NEXN: variants seen among roughly 807,000 people sequenced by gnomAD.
The protein encoded by NEXN is nexilin.
NEXN carries 65 observed loss-of-function variants against 92.6 expected under a neutral mutation model. The ratio of observed to expected loss-of-function variants is 0.70; its 90% CI spans 0.57 to 0.86. The LOEUF is 0.86. Among genes scored for constraint, NEXN ranks in the 40% least tolerant of loss-of-function variants. The pLI, the probability that NEXN is intolerant of heterozygous loss-of-function variation, is 0.00. For synonymous variants in NEXN, 254 were observed against 242.5 expected (o/e 1.05, Z -0.44); for missense variants, 778 against 771.1 (o/e 1.01, Z -0.11).
chr1:77,931,614 A>ATTTATTTAT (rs1250019084), intron 9 of NEXN: 4 of 152,082 alleles, frequency 2.6e-5, no homozygotes, highest in African/African-American at 9.7e-5. Context: ...GAAGAGAGAA[A>ATTTATTTAT]ACCTTCCTCT....
intron 1 of NEXN, among the ~76,000 whole-genome samples, chr1:77,896,946 C>T (rs1647291662): frequency 6.6e-6 from 1 of 152,104 alleles, no homozygotes; most frequent in Non-Finnish European, 1.5e-5. Flanking sequence ...TACACCCTCC[C>T]AAGACTAAAC....
intron 1 of NEXN, among the ~76,000 whole-genome samples, chr1:77,893,515 C>T (rs1309675798): frequency 6.6e-6 from 1 of 152,108 alleles, no homozygotes; most frequent in Non-Finnish European, 1.5e-5. Context: ...GCATCTAGAT[C>T]ATCAGTCTTC....
At chr1:77,936,619 A>G (rs1650791573) in intron 11 of NEXN, among the ~76,000 whole-genome samples, 1 of 152,174 alleles carries the variant, frequency 6.6e-6, no homozygotes, top group African/African-American at 2.4e-5. Context: ...GATGACATGA[A>G]TTTGAATTAT....
rs188692539 is a variant in NEXN at position 77,906,689 on chromosome 1, C to T, written c.-52-9366C>T. The stretch of plus-strand genomic sequence containing the variant: ...TTCTGTTTTGAGACAGGGTCTTGCT[C>T]TGTTGCCCAGGGTGTAGTGCAGTGG... On this transcript the variant is annotated intron_variant, in intron 1 of 12. Transcript: ENST00000334785. Among the ~76,000 whole-genome samples the T allele has an allele frequency of 2.2e-3, 329 of 152,172 alleles. 2 individuals are homozygous for T. The highest frequency in any genetic ancestry group is 5.0e-3 in the South Asian group (24 of 4,822).
intron 9 of NEXN, among the ~76,000 whole-genome samples, chr1:77,931,345 G>A (rs1393034272): frequency 4.0e-5 from 6 of 149,150 alleles, no homozygotes; most frequent in Non-Finnish European, 7.4e-5. Flanking sequence ...CCTGGGAGGC[G>A]GAGCTTGCAG....
chr1:77,933,447 G>T lies in NEXN; in HGVS notation c.1219G>T (p.Glu407Ter). The change falls in exon 10 of 13, where the codon GAA becomes TAA. Residue 407 changes from glutamate (E) to a stop codon, truncating the protein, a stop_gained. Transcript: ENST00000334785. LOFTEE classifies it high-confidence loss of function. ...GCATAAGCTAGAAATGGAGAAACAA[G>T]AATTTGAACAACTGAGACAGGAAAT... ...RKHKLEMEKQ[E>*]FEQLRQEMGE... The T allele has an allele frequency of 6.2e-7, 1 of 1,612,978 alleles. No individual in the cohort carries two copies. The highest frequency in any genetic ancestry group is 8.5e-7 in the Non-Finnish European group (1 of 1,179,260).
intron 1 of NEXN, among the ~76,000 whole-genome samples, chr1:77,906,125 G>C (rs369162309): frequency 6.6e-6 from 1 of 152,022 alleles, no homozygotes; most frequent in South Asian, 2.1e-4. Context: ...TCAGAGACAT[G>C]AAAAAACAGA....
chr1:77,911,317 C>T (rs1557969335), intron 1 of NEXN, among the ~76,000 whole-genome samples: 1 of 152,152 alleles, frequency 6.6e-6, no homozygotes, highest in South Asian at 2.1e-4. Flanking sequence ...TTTGGCCGGG[C>T]AAAATGGCTC....
intron 1 of NEXN, among the ~76,000 whole-genome samples, chr1:77,914,521 A>C (rs1648813710): frequency 6.6e-6 from 1 of 152,232 alleles, no homozygotes. Context: ...CATTGATATT[A>C]ATAATTACAT....
intron 11 of NEXN, among the ~76,000 whole-genome samples, chr1:77,940,319 T>G (rs1651154513): frequency 6.6e-6 from 1 of 152,190 alleles, no homozygotes; most frequent in South Asian, 2.1e-4. Context: ...ACTTTAATAT[T>G]CATGGGCTGA....
At chr1:77,939,581 GT>G (rs1651081726) in intron 11 of NEXN, among the ~76,000 whole-genome samples, 2 of 152,168 alleles carry the variant, frequency 1.3e-5, no homozygotes, top group Non-Finnish European at 2.9e-5. Flanking sequence ...TACAAAATAT[GT>G]AGGTAATAAC....
intron 1 of NEXN, among the ~76,000 whole-genome samples, chr1:77,902,541 T>C (rs1647807025): frequency 2.6e-5 from 4 of 152,194 alleles, no homozygotes; most frequent in Admixed American, 2.0e-4. Context: ...TTAAAACATC[T>C]ATAAAGATGT....
At chr1:77,919,124 A>C (rs1005469625) in intron 5 of NEXN, among the ~76,000 whole-genome samples, 5 of 152,166 alleles carry the variant, frequency 3.3e-5, no homozygotes, top group African/African-American at 1.2e-4. Flanking sequence ...AAAATGAGGA[A>C]GATGCAAAAG....
At chr1:77,916,594 G>A (rs938041382) in intron 2 of NEXN, among the ~76,000 whole-genome samples, 1 of 152,036 alleles carries the variant, frequency 6.6e-6, no homozygotes, top group African/African-American at 2.4e-5. Context: ...TGTAAGAAGA[G>A]CTCAGTTGCT....
At chr1:77,911,247 T>C (rs879382828) in intron 1 of NEXN, among the ~76,000 whole-genome samples, 13 of 152,162 alleles carry the variant, frequency 8.5e-5, no homozygotes, top group Non-Finnish European at 1.9e-4. Context: ...ACGTCACAAG[T>C]GGAAAATTCC....
chr1:77,935,764 G>A (rs1320228369), intron 10 of NEXN, 59 bp from the exon 11 acceptor site: 2 of 1,495,566 alleles, frequency 1.3e-6, no homozygotes, highest in Non-Finnish European at 1.9e-6. Flanking sequence ...GCCAGCCTTG[G>A]CAACATAGTG....
rs1651428419 is a variant in NEXN, at chr1:77,942,376, A to C, written c.1660-85A>C. On this transcript the variant is annotated intron_variant, in intron 12 of 12. Coordinates refer to ENST00000334785, the MANE Select transcript of NEXN (RefSeq NM_144573.4). ...CACTTGTATGTTCTTTACTTAAAAAAAAAAATTTCATTTCAAAATTGTTAC... is the reference window on the plus strand; with the variant it reads ...CACTTGTATGTTCTTTACTTAAAAACAAAAATTTCATTTCAAAATTGTTAC... 5 of 1,517,318 alleles carry C rather than the reference A, an allele frequency of 3.3e-6. No individual in the cohort carries two copies. The South Asian group carries it at 5.7e-5, about 17-fold the overall frequency. 94.0% of individuals were successfully genotyped at this position (1,517,318 alleles called of 1,614,324 possible).
intron 10 of NEXN, among the ~76,000 whole-genome samples, chr1:77,933,954 G>C (rs962983053): frequency 2.6e-5 from 4 of 151,440 alleles, no homozygotes; most frequent in African/African-American, 9.7e-5. Context: ...TCATGTCTCA[G>C]CCTTCTGTGT....
Position 77,918,171 on chromosome 1 carries a change from GGAAC to G in NEXN, c.346_349del (p.Glu116LysfsTer18), listed in dbSNP as rs2102094386. The G allele has an allele frequency of 6.2e-7, 1 of 1,613,894 alleles. No homozygotes were observed. The highest frequency in any genetic ancestry group is 1.1e-5 in the South Asian group (1 of 91,078). On this transcript the variant is annotated frameshift_variant, in exon 5 of 13. Coordinates refer to ENST00000334785, the MANE Select transcript of NEXN (RefSeq NM_144573.4). LOFTEE classifies it high-confidence loss of function. ...CTGAAATGGAGAAACAAAGACAAGA[GGAAC>G]AAAGGAAGAGAACGGAGGAGGAACG...
Sources: allele counts gnomAD v4.1 joint callset (sites outside exome capture counted in the v4.1 genomes callset), GRCh38; gene constraint gnomAD v4.1.1; transcripts MANE v1.5; gene names NCBI Gene and HGNC (gene_info 2026-07-23, HGNC 2026-07-21).